Variants in NAA15 observed in about 807,000 individuals in gnomAD.
The protein encoded by NAA15 is N-alpha-acetyltransferase 15, NatA auxiliary subunit.
Under a neutral mutation model 114.0 loss-of-function variants are expected in NAA15, and 34 were observed. The observed-to-expected ratio is 0.30, with a 90% CI of 0.23 to 0.40. The LOEUF (loss-of-function observed/expected upper bound fraction) is 0.40. NAA15 is among the 10% of genes least tolerant of loss of function. The pLI is 1.00. For missense variants in NAA15, 658 were observed against 1,004.5 expected (o/e 0.66, Z 4.66); for synonymous variants, 340 against 338.0 (o/e 1.01, Z -0.06).
At chr4:139,369,466 G>A (rs1048473581) in intron 14 of NAA15, among the ~76,000 whole-genome samples, 3 of 152,138 alleles carry the variant, frequency 2.0e-5, no homozygotes, top group African/African-American at 4.8e-5. Context: ...ACTGCTGGGT[G>A]CGGTGACTCA....
At chr4:139,317,645 A>C (rs1191548090) in intron 1 of NAA15, among the ~76,000 whole-genome samples, 2 of 152,136 alleles carry the variant, frequency 1.3e-5, no homozygotes, top group African/African-American at 4.8e-5. Context: ...ACAAACCCAA[A>C]TTAGAGGATG....
rs1345583521 is a variant in NAA15, at chr4:139,357,412, A to G, written c.1114A>G (p.Thr372Ala). Residue 372 changes from threonine (T) to alanine (A), a missense_variant, in exon 11 of 20, where the codon ACA (threonine) becomes GCA (alanine). Thr to Ala is a moderately conservative substitution (Grantham distance 58, BLOSUM62 0). This residue lies in a region of NAA15 where 281 missense variants were observed against 389.1 expected (regional missense o/e 0.72). Transcript: ENST00000296543. ...TGATGGAAAGGAGGAACCACCAACC[A>G]CATTACTTTGGGTCCAGTACTACTT... ...NDDGKEEPPT[T>A]LLWVQYYLAQ... 6.2e-7 allele frequency: 1 copy of G among 1,613,818 alleles called. No individual in the cohort carries two copies. The highest frequency in any genetic ancestry group is 8.5e-7 in the Non-Finnish European group (1 of 1,179,864).
At chr4:139,351,393 A>T in intron 8 of NAA15, 107 bp downstream of exon 8, 5 of 1,034,944 alleles carry the variant, frequency 4.8e-6, no homozygotes, top group Non-Finnish European at 7.4e-6. Flanking sequence ...ATACATTGTT[A>T]GAGTTGTCTA....
chr4:139,367,309 C>G (rs1280594635), intron 14 of NAA15, among the ~76,000 whole-genome samples: 2 of 152,162 alleles, frequency 1.3e-5, no homozygotes, highest in Non-Finnish European at 2.9e-5. Context: ...TGGCCCTGCC[C>G]TCTGAGTTCC....
At chr4:139,354,611 A>G (rs1032839292) in intron 10 of NAA15, among the ~76,000 whole-genome samples, 1 of 152,184 alleles carries the variant, frequency 6.6e-6, no homozygotes, top group Non-Finnish European at 1.5e-5. Flanking sequence ...GCATTAGTTT[A>G]TTGAAAAGAA....
chr4:139,321,204 G>T (rs1326388478), intron 1 of NAA15, among the ~76,000 whole-genome samples: 1 of 151,620 alleles, frequency 6.6e-6, no homozygotes, highest in African/African-American at 2.4e-5. Flanking sequence ...CTTATGTTGG[G>T]TTAAATTTGC....
chr4:139,332,017 C>T (rs1367678599), intron 1 of NAA15, among the ~76,000 whole-genome samples: 1 of 152,074 alleles, frequency 6.6e-6, no homozygotes, highest in South Asian at 2.1e-4. Flanking sequence ...CACACTAGTT[C>T]GATTTTTGCT....
At chr4:139,306,834 T>G (rs954254565) in intron 1 of NAA15, among the ~76,000 whole-genome samples, 4 of 152,182 alleles carry the variant, frequency 2.6e-5, no homozygotes, top group Non-Finnish European at 5.9e-5. Context: ...TTAACCTGCT[T>G]GGAAAAGATG....
intron 2 of NAA15, among the ~76,000 whole-genome samples, chr4:139,335,221 T>C (rs1349113054): frequency 6.6e-6 from 1 of 152,216 alleles, no homozygotes; most frequent in East Asian, 1.9e-4. Flanking sequence ...TTTTTCCATA[T>C]TAAAAATTAT....
At chr4:139,375,151 AT>A (rs1748547865) in intron 15 of NAA15, among the ~76,000 whole-genome samples, 3 of 152,140 alleles carry the variant, frequency 2.0e-5, no homozygotes, top group Admixed American at 2.0e-4. Flanking sequence ...AGAAATTCCT[AT>A]ATAGTAGAAT....
chr4:139,366,107 G>A (rs1160861326), intron 14 of NAA15, among the ~76,000 whole-genome samples: 1 of 151,716 alleles, frequency 6.6e-6, no homozygotes, highest in Non-Finnish European at 1.5e-5. Flanking sequence ...GTTTTCATTG[G>A]CTTTATGTTA....
intron 6 of NAA15, among the ~76,000 whole-genome samples, chr4:139,345,217 A>G (rs561355115): frequency 1.3e-5 from 2 of 152,306 alleles, no homozygotes; most frequent in African/African-American, 4.8e-5. Context: ...CTGGAATTCT[A>G]AGACTTCTGG....
At position 139,390,932 on chromosome 4, in the gene NAA15, A is replaced by T. The variant is rs1749043242; in HGVS notation, c.*2848A>T. ...GCTGTGACTTTATGAAGAGATCAAA[A>T]AAAGTGTGGTCCAGATTCAGGTAGG... On this transcript the variant is annotated 3_prime_UTR_variant, in exon 20 of 20. Transcript: ENST00000296543. 1 of 152,222 alleles carries T rather than the reference A, an allele frequency of 6.6e-6. No homozygotes were observed. The highest frequency in any genetic ancestry group is 2.4e-5 in the African/African-American group (1 of 41,460). 9.4% of individuals were successfully genotyped at this position (152,222 alleles called of 1,614,324 possible).
chr4:139,388,020 A>G lies in NAA15; in HGVS notation c.2537A>G (p.Asp846Gly), dbSNP rs774816531. The G allele has an allele frequency of 6.2e-7, 1 of 1,613,972 alleles. No homozygotes were observed. The highest frequency in any genetic ancestry group is 1.1e-5 in the South Asian group (1 of 91,072). The change falls in exon 20 of 20, where the codon GAT becomes GGT. Residue 846 changes from aspartate (D) to glycine (G), a missense_variant. By Grantham distance (94) the Asp-to-Gly change is moderately conservative. Coordinates refer to ENST00000296543, the MANE Select transcript of NAA15 (RefSeq NM_057175.5). ...TTCATGCCTCCTGGATATGAAGAGG[A>G]TATGAAGATCACAGTTAATGGAGAT... ...LAFMPPGYEE[D>G]MKITVNGDSS...
At position 139,354,245 on chromosome 4, in the gene NAA15, G is replaced by C. The variant is rs780411892; in HGVS notation, c.1087+147G>C. 4.3e-5 allele frequency: 27 copies of C among 627,122 alleles called. No homozygotes were observed. The Admixed American group carries it at 6.2e-4, about 14-fold the overall frequency. 38.8% of individuals were successfully genotyped at this position (627,122 alleles called of 1,614,324 possible). ...CTTTGAGAGGGAGATCCATTAATTT[G>C]CACATTGTGTGATGATATTTGGTTA... On this transcript the variant is annotated intron_variant, in intron 10 of 19. Transcript: ENST00000296543.
Position 139,337,713 on chromosome 4 carries a change from T to C in NAA15, c.244+761T>C, listed in dbSNP as rs1747244554. Among the ~76,000 whole-genome samples the C allele has an allele frequency of 3.3e-5, 5 of 152,186 alleles. 1 individual carries two copies. Among genetic ancestry groups the C allele is most frequent in the African/African-American group, 2.4e-5 (1 of 41,444 alleles). ...ACACAATTTTAAGTGCTGAAACAAT[T>C]AGCAATTTTTCAGATGTTTACCAGG... On this transcript the variant is annotated intron_variant, in intron 3 of 19. Coordinates refer to ENST00000296543, the MANE Select transcript of NAA15 (RefSeq NM_057175.5).
At chr4:139,341,456 G>A (rs1171174407) in intron 4 of NAA15, among the ~76,000 whole-genome samples, 1 of 151,138 alleles carries the variant, frequency 6.6e-6, no homozygotes, top group Non-Finnish European at 1.5e-5. Context: ...TTAGCTAGGC[G>A]TGGTGGCAGG....
intron 18 of NAA15, among the ~76,000 whole-genome samples, chr4:139,385,180 G>A (rs1748861534): frequency 6.7e-6 from 1 of 150,308 alleles, no homozygotes; most frequent in Admixed American, 6.6e-5. Flanking sequence ...TACTCAGGAT[G>A]CTGAGGCAGA....
At chr4:139,339,540 G>A (rs1180019175) in intron 3 of NAA15, among the ~76,000 whole-genome samples, 2 of 151,940 alleles carry the variant, frequency 1.3e-5, no homozygotes, top group African/African-American at 4.8e-5. Context: ...CACGAGATCA[G>A]GAGATCAAGA....
Sources: gnomAD v4.1 joint callset for allele counts (sites outside exome capture counted in the v4.1 genomes callset) on GRCh38, gnomAD v4.1.1 for gene constraint, gnomAD v4.1.1 regional missense constraint, MANE v1.5 for transcripts, NCBI Gene and HGNC (gene_info 2026-07-23, HGNC 2026-07-21) for gene names.